UNC13C: variants seen among roughly 807,000 people sequenced by gnomAD.
UNC13C encodes unc-13 homolog C, also known as protein unc-13 homolog C.
A neutral mutation model predicts 245.4 loss-of-function variants in UNC13C; 174 were observed. That is an observed-to-expected ratio of 0.71 (90% CI 0.63 to 0.80). UNC13C has a LOEUF of 0.80. Among genes scored for constraint, UNC13C ranks in the 30% least tolerant of loss-of-function variants. The pLI is 0.00. For synonymous variants in UNC13C, 992 were observed against 895.1 expected, an observed-to-expected ratio of 1.11 and a Z score of -1.93; for missense variants, 2,829 against 2,602.9, an observed-to-expected ratio of 1.09 and a Z score of -1.89.
At chr15:54,456,365 A>T (rs1256964551) in intron 19 of UNC13C, among the ~76,000 whole-genome samples, 1 of 151,626 alleles carries the variant, frequency 6.6e-6, no homozygotes, top group African/African-American at 2.4e-5. Flanking sequence ...GAACTTTAGG[A>T]TTGTTCTTTT....
intron 29 of UNC13C, among the ~76,000 whole-genome samples, chr15:54,559,788 A>G (rs1007261458): frequency 2.0e-5 from 3 of 151,986 alleles, no homozygotes; most frequent in African/African-American, 7.2e-5. Context: ...GTGACCGAAG[A>G]GAAGGCATTG....
rs1002225437 is a variant in UNC13C, at chr15:54,238,216, A to G, written c.3228+526A>G. Among the ~76,000 whole-genome samples the G allele has an allele frequency of 4.6e-5, 7 of 151,826 alleles. No individual in the cohort carries two copies. The East Asian group carries it at 1.2e-3, about 25-fold the overall frequency. On this transcript the variant is annotated intron_variant, in intron 7 of 32. Transcript: ENST00000260323. Reference sequence around the variant, plus strand: ...CAGCCTCCCTAGTAGCTGGGACTACAGGTGCTTGCCACCATGCCCAGCTAA... The same window carrying G: ...CAGCCTCCCTAGTAGCTGGGACTACGGGTGCTTGCCACCATGCCCAGCTAA...
chr15:54,395,751 T>C (rs1355088762), intron 18 of UNC13C, among the ~76,000 whole-genome samples: 1 of 151,832 alleles, frequency 6.6e-6, no homozygotes, highest in Non-Finnish European at 1.5e-5. Context: ...TTACTCAAAT[T>C]TGATAACAAG....
intron 1 of UNC13C, among the ~76,000 whole-genome samples, chr15:53,983,843 G>A (rs1327197206): frequency 6.6e-6 from 1 of 151,624 alleles, no homozygotes; most frequent in Admixed American, 6.6e-5. Context: ...CTTCCTAATT[G>A]CTTCAGCTTC....
At chr15:53,901,805 T>C in the UNC13C span, among the ~76,000 whole-genome samples, 1 of 152,202 alleles carries the variant, frequency 6.6e-6, no homozygotes, top group African/African-American at 2.4e-5. Context: ...CCAAGACATT[T>C]GGATATTCTC....
the UNC13C span, among the ~76,000 whole-genome samples, chr15:53,917,191 G>A: frequency 6.6e-6 from 1 of 152,260 alleles, no homozygotes; most frequent in South Asian, 2.1e-4. Flanking sequence ...TAACAGCAGG[G>A]AGTGACTTTT....
chr15:54,226,451 A>G (rs1388219163), intron 4 of UNC13C, among the ~76,000 whole-genome samples: 1 of 152,128 alleles, frequency 6.6e-6, no homozygotes, highest in Non-Finnish European at 1.5e-5. Flanking sequence ...ATTGATTTGT[A>G]GTGTCACAGG....
chr15:54,473,068 A>G (rs1892544434), intron 19 of UNC13C, among the ~76,000 whole-genome samples: 1 of 151,308 alleles, frequency 6.6e-6, no homozygotes, highest in African/African-American at 2.4e-5. Context: ...CTTTATTTCC[A>G]TGAGTACCTA....
intron 30 of UNC13C, among the ~76,000 whole-genome samples, chr15:54,579,145 A>G (rs1898094504): frequency 6.6e-6 from 1 of 152,162 alleles, no homozygotes. Context: ...AGTGAAATAA[A>G]TCTTAAGTTA....
At chr15:54,202,439 C>T (rs972080444) in intron 4 of UNC13C, among the ~76,000 whole-genome samples, 1 of 152,102 alleles carries the variant, frequency 6.6e-6, no homozygotes, top group East Asian at 1.9e-4. Flanking sequence ...CCATAGTCAC[C>T]AAAATAGCAT....
intron 2 of UNC13C, chr15:54,050,055 C>T (rs1269919360): frequency 4.9e-5 from 15 of 306,078 alleles, no homozygotes; most frequent in Non-Finnish European, 7.8e-5. Context: ...CTGCAACCTC[C>T]GCCTCCCAGG....
intron 4 of UNC13C, among the ~76,000 whole-genome samples, chr15:54,204,311 A>AAG (rs2034639056): frequency 6.6e-6 from 1 of 150,896 alleles, no homozygotes; most frequent in African/African-American, 2.4e-5. Context: ...AAATTGAAAA[A>AAG]AAAAAAAAAA....
chr15:54,002,900 G>A (rs12591804), intron 1 of UNC13C, among the ~76,000 whole-genome samples: 45,564 of 152,090 alleles, frequency 0.3, 6,872 homozygotes, highest in South Asian at 0.38. Flanking sequence ...AGGCAGCACA[G>A]CACAGAGGAA....
At chr15:54,499,347 T>G (rs1042590984) in intron 20 of UNC13C, among the ~76,000 whole-genome samples, 6 of 152,082 alleles carry the variant, frequency 3.9e-5, no homozygotes, top group Admixed American at 2.6e-4. Flanking sequence ...AAGCACCTCC[T>G]ACCAGGCCCC....
At chr15:54,363,052 G>A (rs2039273011) in intron 17 of UNC13C, among the ~76,000 whole-genome samples, 1 of 152,176 alleles carries the variant, frequency 6.6e-6, no homozygotes. Context: ...GCCTTTCAGA[G>A]CTGAAAACTG....
At chr15:54,043,474 A>G (rs73416931) in intron 2 of UNC13C, among the ~76,000 whole-genome samples, 4,044 of 152,284 alleles carry the variant, frequency 0.027, 185 homozygotes, top group African/African-American at 0.093. Flanking sequence ...TGTAGAAACC[A>G]CAGAAATGGA....
In UNC13C at chr15:54,494,591, A is replaced by C; in HGVS notation, c.4934-17A>C. 6.4e-7 allele frequency: 1 copy of C among 1,556,958 alleles called. No homozygotes were observed. Among genetic ancestry groups the C allele is most frequent in the African/African-American group, 1.4e-5 (1 of 72,108 alleles). The stretch of plus-strand genomic sequence containing the variant: ...GCAAACCAAGCTTTATTAAATATTT[A>C]ATTTTATCTGTTATAGAACATGAAA... On this transcript the variant is annotated splice_polypyrimidine_tract_variant and intron_variant, in intron 19 of 32. Coordinates refer to ENST00000260323, the MANE Select transcript of UNC13C (RefSeq NM_001080534.3).
chr15:54,148,725 C>T (rs1307026429), intron 4 of UNC13C, among the ~76,000 whole-genome samples: 1 of 152,124 alleles, frequency 6.6e-6, no homozygotes, highest in Non-Finnish European at 1.5e-5. Flanking sequence ...TCCCTGTTCC[C>T]TCAGATAACT....
intron 10 of UNC13C, among the ~76,000 whole-genome samples, chr15:54,270,449 ATTG>A (rs1259857371): frequency 6.6e-6 from 1 of 152,134 alleles, no homozygotes; most frequent in Non-Finnish European, 1.5e-5. Context: ...ACCTCACAGA[ATTG>A]TTGTGTTTTT....
Sources: allele counts gnomAD v4.1 joint callset (sites outside exome capture counted in the v4.1 genomes callset), GRCh38; gene constraint gnomAD v4.1.1; transcripts MANE v1.5; gene names NCBI Gene and HGNC (gene_info 2026-07-23, HGNC 2026-07-21).